Variants in TMEM132D observed in about 807,000 individuals in gnomAD.
TMEM132D encodes the protein transmembrane protein 132D, also known as mature OL transmembrane protein.
Under a neutral mutation model 62.3 loss-of-function variants are expected in TMEM132D, and 21 were observed. The ratio of observed to expected loss-of-function variants is 0.34; its 90% CI spans 0.24 to 0.49. TMEM132D has a LOEUF of 0.49. TMEM132D is among the 20% of genes least tolerant of loss of function. The pLI is 0.99. For missense variants in TMEM132D, 1,346 were observed against 1,402.8 expected, an observed-to-expected ratio of 0.96 and a Z score of 0.65; for synonymous variants, 621 against 575.6, an observed-to-expected ratio of 1.08 and a Z score of -1.13.
chr12:129,385,407 T>C (rs185835903), intron 3 of TMEM132D, among the ~76,000 whole-genome samples: 5 of 152,154 alleles, frequency 3.3e-5, no homozygotes, highest in East Asian at 1.9e-4. Flanking sequence ...TGCTTGGCCC[T>C]AAAGTGCTTC....
At chr12:129,513,839 T>A (rs1223364153) in intron 3 of TMEM132D, among the ~76,000 whole-genome samples, 2 of 140,878 alleles carry the variant, frequency 1.4e-5, no homozygotes, top group African/African-American at 5.3e-5. Flanking sequence ...TTTATTTATT[T>A]ATTTATTTAT....
intron 5 of TMEM132D, among the ~76,000 whole-genome samples, chr12:129,112,674 A>G (rs942468631): frequency 6.6e-6 from 1 of 152,172 alleles, no homozygotes; most frequent in African/African-American, 2.4e-5. Flanking sequence ...AAAGAAAAAA[A>G]TTAAGTAAGA....
chr12:129,632,380 G>A (rs180786536), intron 2 of TMEM132D, among the ~76,000 whole-genome samples: 3 of 152,276 alleles, frequency 2.0e-5, no homozygotes, highest in Admixed American at 2.0e-4. Flanking sequence ...AAACAAGGAA[G>A]ACATATTATA....
intron 5 of TMEM132D, among the ~76,000 whole-genome samples, chr12:129,154,010 T>C (rs750741391): frequency 9.9e-5 from 15 of 152,208 alleles, no homozygotes; most frequent in Non-Finnish European, 2.1e-4. Context: ...CTGGTTCCTC[T>C]TTCATTTTCA....
Position 129,869,270 on chromosome 12 carries a change from G to A in TMEM132D, c.79+33991C>T, listed in dbSNP as rs150196966. 3.9e-4 allele frequency among the ~76,000 whole-genome samples: 60 copies of A among 152,192 alleles called. 2 individuals are homozygous for A. In the East Asian group the frequency reaches 0.012, roughly 29 times the overall value. On this transcript the variant is annotated intron_variant, in intron 1 of 8. Transcript: ENST00000422113. ...GCATTGAAGCCACCAGACACCCAGTGAAAACGAGCAACAAGTTGTGAAATT... is the reference window on the plus strand; with the variant it reads ...GCATTGAAGCCACCAGACACCCAGTAAAAACGAGCAACAAGTTGTGAAATT...
At chr12:129,860,389 T>C (rs148779636) in intron 1 of TMEM132D, among the ~76,000 whole-genome samples, 13 of 152,308 alleles carry the variant, frequency 8.5e-5, no homozygotes, top group East Asian at 7.7e-4. Flanking sequence ...TTGGAGTAGA[T>C]TGATACATTA....
At chr12:129,776,432 T>C (rs1213731448) in intron 1 of TMEM132D, among the ~76,000 whole-genome samples, 2 of 141,510 alleles carry the variant, frequency 1.4e-5, no homozygotes, top group South Asian at 2.4e-4. Flanking sequence ...CTTTATTTTA[T>C]TTGTCAAATA....
intron 5 of TMEM132D, among the ~76,000 whole-genome samples, chr12:129,106,148 T>C (rs1380238921): frequency 6.6e-6 from 1 of 151,258 alleles, no homozygotes; most frequent in Non-Finnish European, 1.5e-5. Flanking sequence ...ATCATCATTC[T>C]CAGTAAACTA....
At chr12:129,205,633 C>G (rs1287400956) in intron 5 of TMEM132D, among the ~76,000 whole-genome samples, 3 of 152,112 alleles carry the variant, frequency 2.0e-5, no homozygotes, top group Non-Finnish European at 4.4e-5. Context: ...CACAGATATT[C>G]AGGACCTGAA....
intron 2 of TMEM132D, among the ~76,000 whole-genome samples, chr12:129,555,597 T>A (rs10773682): frequency 0.75 from 114,058 of 152,184 alleles, 43,019 homozygotes; most frequent in African/African-American, 0.81. Context: ...CAGATCATAT[T>A]TTGTTGTTGG....
intron 1 of TMEM132D, among the ~76,000 whole-genome samples, chr12:129,848,791 G>A (rs1412377917): frequency 1.3e-5 from 2 of 152,120 alleles, no homozygotes; most frequent in Admixed American, 6.6e-5. Flanking sequence ...CCAATGAGAC[G>A]TTCAGGTCCC....
intron 8 of TMEM132D, among the ~76,000 whole-genome samples, chr12:129,077,687 C>T (rs1243374715): frequency 6.6e-6 from 1 of 151,910 alleles, no homozygotes; most frequent in Non-Finnish European, 1.5e-5. Context: ...GACACAGACC[C>T]ACAACACACA....
At chr12:129,795,405 A>G (rs982539495) in intron 1 of TMEM132D, among the ~76,000 whole-genome samples, 4 of 152,206 alleles carry the variant, frequency 2.6e-5, no homozygotes, top group African/African-American at 9.6e-5. Context: ...TGGATCCCCT[A>G]AAGTCAGTCA....
In TMEM132D at chr12:129,088,931, T is replaced by C. The variant is rs1480703296; in HGVS notation, c.1444-4229A>G. ...TCCTCCATGACCGGGATGTCCTCCATGACCGGGTGTCCTCCATGACCGGGT... is the reference window on the plus strand; with the variant it reads ...TCCTCCATGACCGGGATGTCCTCCACGACCGGGTGTCCTCCATGACCGGGT... On this transcript the variant is annotated intron_variant, in intron 5 of 8. Coordinates refer to ENST00000422113, the MANE Select transcript of TMEM132D (RefSeq NM_133448.3). Among the ~76,000 whole-genome samples the C allele has an allele frequency of 7.6e-5, 3 of 39,362 alleles. 1 individual carries two copies. Among genetic ancestry groups the C allele is most frequent in the Non-Finnish European group, 1.2e-4 (3 of 24,800 alleles). 25.8% of individuals were successfully genotyped at this position (39,362 alleles called of 152,430 possible).
At chr12:129,169,067 G>T (rs1051891755) in intron 5 of TMEM132D, among the ~76,000 whole-genome samples, 4 of 152,030 alleles carry the variant, frequency 2.6e-5, no homozygotes, top group Non-Finnish European at 4.4e-5. Flanking sequence ...TAGCATTTTC[G>T]TAAAGCCGTC....
chr12:129,640,013 CAT>C (rs1448682870), intron 2 of TMEM132D, among the ~76,000 whole-genome samples: 9 of 151,914 alleles, frequency 5.9e-5, no homozygotes, highest in East Asian at 2.0e-4. Flanking sequence ...AATGCTGCCA[CAT>C]GTTTCTTGGC....
chr12:129,576,986 T>G (rs564304892), intron 2 of TMEM132D, among the ~76,000 whole-genome samples: 1 of 151,998 alleles, frequency 6.6e-6, no homozygotes, highest in East Asian at 1.9e-4. Context: ...GACCTCAGTC[T>G]ACAGCACATC....
At chr12:129,748,080 G>A (rs6486503) in intron 1 of TMEM132D, among the ~76,000 whole-genome samples, 147,135 of 152,294 alleles carry the variant, frequency 0.97, 71,264 homozygotes, top group Middle Eastern at 1. Flanking sequence ...TGCTTGATAA[G>A]TATGAGCATT....
rs565015147 is a variant in TMEM132D at position 129,594,259 on chromosome 12, G to A, written c.969-63054C>T. The stretch of plus-strand genomic sequence containing the variant: ...CCATAAGCCATATGGCCTCCTTGAA[G>A]ATGATGATTCGCTTCCACGTGATTT... On this transcript the variant is annotated intron_variant, in intron 2 of 8. Transcript: ENST00000422113. Among the ~76,000 whole-genome samples the A allele has an allele frequency of 3.3e-5, 5 of 152,310 alleles. No homozygotes were observed. In the East Asian group the frequency reaches 9.7e-4, roughly 29 times the overall value.
Sources: gnomAD v4.1 joint callset for allele counts (sites outside exome capture counted in the v4.1 genomes callset) on GRCh38, gnomAD v4.1.1 for gene constraint, MANE v1.5 for transcripts, NCBI Gene and HGNC (gene_info 2026-07-23, HGNC 2026-07-21) for gene names.